PTPRD: variants seen among roughly 807,000 people sequenced by gnomAD.
The protein encoded by PTPRD is protein tyrosine phosphatase receptor type D, also known as receptor-type tyrosine-protein phosphatase delta.
Under a neutral mutation model 214.5 loss-of-function variants are expected in PTPRD, and 34 were observed. The observed-to-expected ratio is 0.16, with a 90% CI of 0.12 to 0.21. The LOEUF (loss-of-function observed/expected upper bound fraction) is 0.21, where lower values mean the gene tolerates loss of function less well. Among genes scored for constraint, PTPRD ranks in the 10% least tolerant of loss-of-function variants. The pLI, the probability that PTPRD is intolerant of heterozygous loss-of-function variation, is 1.00. For missense variants in PTPRD, 2,545 were observed against 2,398.7 expected (o/e 1.06, Z -1.27); for synonymous variants, 1,128 against 845.7 (o/e 1.33, Z -5.79).
chr9:10,156,074 ATGTTTGTGTGTGTGTG>A (rs1258695364), intron 3 of PTPRD, among the ~76,000 whole-genome samples: 4 of 86,868 alleles, frequency 4.6e-5, no homozygotes, highest in African/African-American at 1.8e-4. Flanking sequence ...GCTCTTTTGA[ATGTTTGTGTGTGTGTG>A]TGTGTGTGTG....
At chr9:9,040,937 T>A (rs750491539) in intron 10 of PTPRD, among the ~76,000 whole-genome samples, 1 of 152,164 alleles carries the variant, frequency 6.6e-6, no homozygotes, top group Non-Finnish European at 1.5e-5. Flanking sequence ...GGTCCTACCT[T>A]CTCACACAAT....
At chr9:8,870,683 A>G (rs977348510) in intron 11 of PTPRD, among the ~76,000 whole-genome samples, 6 of 60,612 alleles carry the variant, frequency 9.9e-5, no homozygotes, top group Admixed American at 5.9e-4. Flanking sequence ...AGACACAGAC[A>G]TGAAACACAC....
At chr9:10,446,383 G>C (rs920731452) in intron 2 of PTPRD, among the ~76,000 whole-genome samples, 1 of 144,712 alleles carries the variant, frequency 6.9e-6, no homozygotes, top group Non-Finnish European at 1.5e-5. Flanking sequence ...AGTAGTGCTG[G>C]TTTGGCTTAA....
intron 11 of PTPRD, among the ~76,000 whole-genome samples, chr9:8,876,224 G>GTGTGTGTTGT (rs1555464148): frequency 1.3e-5 from 2 of 151,078 alleles, no homozygotes; most frequent in South Asian, 2.1e-4. Context: ...ATGTGTGTGT[G>GTGTGTGTTGT]TGTTGTTGTT....
intron 13 of PTPRD, among the ~76,000 whole-genome samples, chr9:8,635,472 G>A (rs1477169005): frequency 1.3e-5 from 2 of 151,842 alleles, no homozygotes; most frequent in Non-Finnish European, 2.9e-5. Flanking sequence ...TCAAGTATTT[G>A]ATTTTCAGAC....
At chr9:9,079,769 T>G (rs1291376335) in intron 10 of PTPRD, among the ~76,000 whole-genome samples, 1 of 152,000 alleles carries the variant, frequency 6.6e-6, no homozygotes, top group African/African-American at 2.4e-5. Context: ...TTATGTACTT[T>G]AAGGAGTATT....
intron 3 of PTPRD, among the ~76,000 whole-genome samples, chr9:10,091,787 C>T (rs765234795): frequency 8.0e-5 from 12 of 150,430 alleles, no homozygotes; most frequent in Non-Finnish European, 1.5e-4. Context: ...TCTCATTTTT[C>T]TTAGAAGCAA....
intron 8 of PTPRD, among the ~76,000 whole-genome samples, chr9:9,406,698 G>T (rs2141666294): frequency 6.6e-6 from 1 of 151,844 alleles, no homozygotes; most frequent in Admixed American, 6.6e-5. Context: ...GAGTGATGTG[G>T]GATAAGAGAG....
At chr9:8,422,816 G>T (rs1206729969) in intron 35 of PTPRD, among the ~76,000 whole-genome samples, 2 of 152,186 alleles carry the variant, frequency 1.3e-5, no homozygotes, top group African/African-American at 4.8e-5. Flanking sequence ...TATTCTCCTT[G>T]TGTCTCAACA....
intron 14 of PTPRD, among the ~76,000 whole-genome samples, chr9:8,601,293 G>C (rs554997965): frequency 2.6e-5 from 4 of 152,268 alleles, no homozygotes; most frequent in African/African-American, 9.6e-5. Flanking sequence ...TGGCATCTCT[G>C]AATCTGCCAC....
At chr9:9,861,051 G>C (rs1467308184) in intron 5 of PTPRD, among the ~76,000 whole-genome samples, 2 of 152,108 alleles carry the variant, frequency 1.3e-5, no homozygotes, top group Admixed American at 6.6e-5. Context: ...TTTTAAAAAA[G>C]AGAAATCATT....
At chr9:10,517,876 T>G (rs1250775446) in intron 2 of PTPRD, among the ~76,000 whole-genome samples, 11 of 152,150 alleles carry the variant, frequency 7.2e-5, no homozygotes, top group Non-Finnish European at 1.5e-5. Flanking sequence ...TCTGTATAAG[T>G]CAATGAAAAT....
At chr9:9,521,795 T>C (rs1414627183) in intron 8 of PTPRD, among the ~76,000 whole-genome samples, 1 of 152,198 alleles carries the variant, frequency 6.6e-6, no homozygotes, top group Non-Finnish European at 1.5e-5. Flanking sequence ...TCTGTGGTAC[T>C]AATTGCACTG....
At chr9:10,533,517 T>A (rs1246469503) in intron 2 of PTPRD, among the ~76,000 whole-genome samples, 1 of 146,218 alleles carries the variant, frequency 6.8e-6, no homozygotes, top group African/African-American at 2.4e-5. Flanking sequence ...GTATTGAAAT[T>A]AGTCTAATTT....
chr9:9,819,149 G>T (rs949580348), intron 5 of PTPRD, among the ~76,000 whole-genome samples: 1 of 152,120 alleles, frequency 6.6e-6, no homozygotes, highest in African/African-American at 2.4e-5. Context: ...TGGAGGCAGA[G>T]ATTGGTAAGG....
At chr9:8,575,733 T>C (rs999113415) in intron 14 of PTPRD, among the ~76,000 whole-genome samples, 2 of 152,152 alleles carry the variant, frequency 1.3e-5, no homozygotes, top group African/African-American at 4.8e-5. Context: ...ACTGCTCAGT[T>C]TTTCAAAATG....
At chr9:10,105,777 A>G (rs1389531530) in intron 3 of PTPRD, among the ~76,000 whole-genome samples, 4 of 151,808 alleles carry the variant, frequency 2.6e-5, no homozygotes, top group Non-Finnish European at 5.9e-5. Flanking sequence ...AAAACAGTAC[A>G]AGTGAAAGTG....
chr9:8,460,682 GT>G (rs1408090080), intron 32 of PTPRD, 111 bp from the exon 33 acceptor site: 15 of 1,070,362 alleles, frequency 1.4e-5, no homozygotes, highest in Non-Finnish European at 2.0e-5. Flanking sequence ...AATGATAAGT[GT>G]GTGATGCAAT....
intron 3 of PTPRD, among the ~76,000 whole-genome samples, chr9:10,257,239 G>C (rs1351891051): frequency 6.6e-6 from 1 of 152,174 alleles, no homozygotes; most frequent in South Asian, 2.1e-4. Context: ...AGGAGAAAAG[G>C]TTGCCTATAT....
Sources: gnomAD v4.1 joint callset for allele counts (sites outside exome capture counted in the v4.1 genomes callset) on GRCh38, gnomAD v4.1.1 for gene constraint, MANE v1.5 for transcripts, NCBI Gene and HGNC (gene_info 2026-07-23, HGNC 2026-07-21) for gene names.